Variants in ANO4 observed in about 807,000 individuals in gnomAD.
ANO4 encodes anoctamin-4.
In ANO4, 69 loss-of-function variants were observed where a neutral mutation model predicts 141.9. The observed-to-expected ratio is 0.49, with a 90% CI of 0.40 to 0.59. The LOEUF is 0.59. ANO4 is among the 20% of genes least tolerant of loss of function. The pLI is 0.00. For missense variants in ANO4, 894 were observed against 1,162.2 expected (o/e 0.77, Z 3.36); for synonymous variants, 350 against 394.3 (o/e 0.89, Z 1.33).
At chr12:101,055,802 A>T (rs186059766) in intron 14 of ANO4, among the ~76,000 whole-genome samples, 3 of 152,208 alleles carry the variant, frequency 2.0e-5, no homozygotes, top group African/African-American at 7.2e-5. Context: ...TTTAGCTCAT[A>T]TGTTTAGGTT....
At chr12:100,762,332 C>G (rs1565861134) in intron 3 of ANO4, among the ~76,000 whole-genome samples, 1 of 152,148 alleles carries the variant, frequency 6.6e-6, no homozygotes, top group South Asian at 2.1e-4. Context: ...TAATGCTTCC[C>G]TCTGCGCTTT....
intron 1 of ANO4, among the ~76,000 whole-genome samples, chr12:100,844,925 T>C (rs2037479692): frequency 6.6e-6 from 1 of 151,770 alleles, no homozygotes. Flanking sequence ...AGAAATTAAT[T>C]AGTGGGTAGA....
At chr12:100,808,176 C>T (rs2035180194) in intron 1 of ANO4, among the ~76,000 whole-genome samples, 1 of 152,136 alleles carries the variant, frequency 6.6e-6, no homozygotes, top group South Asian at 2.1e-4. Context: ...ATTGACACTC[C>T]CATCAACAGT....
intron 3 of ANO4, among the ~76,000 whole-genome samples, chr12:100,933,932 A>G (rs1027722971): frequency 6.6e-6 from 1 of 151,928 alleles, no homozygotes; most frequent in African/African-American, 2.4e-5. Flanking sequence ...TCCTTTGCCC[A>G]CTTTTTGATG....
At chr12:100,956,154 A>G (rs973421514) in intron 5 of ANO4, among the ~76,000 whole-genome samples, 2 of 152,308 alleles carry the variant, frequency 1.3e-5, no homozygotes, top group Middle Eastern at 3.4e-3. Context: ...CCTCTTTACA[A>G]CCAAATCCAT....
At chr12:100,869,653 G>T (rs1259657405) in intron 1 of ANO4, among the ~76,000 whole-genome samples, 1 of 152,142 alleles carries the variant, frequency 6.6e-6, no homozygotes, top group East Asian at 1.9e-4. Flanking sequence ...GTGGGACTCT[G>T]GAAAATGAGG....
chr12:101,086,865 G>T (rs2049525069), intron 17 of ANO4, 41 bp downstream of exon 17: 1 of 1,599,320 alleles, frequency 6.3e-7, no homozygotes, highest in Admixed American at 1.7e-5. Context: ...ATCAAAATGT[G>T]TGGGCTGCAA....
intron 3 of ANO4, among the ~76,000 whole-genome samples, chr12:100,784,724 G>A (rs2033811614): frequency 1.3e-5 from 2 of 152,172 alleles, no homozygotes; most frequent in Non-Finnish European, 2.9e-5. Context: ...CTTTTTCAGT[G>A]GAATTCACGA....
chr12:100,753,423 A>G (rs530441914), intron 3 of ANO4, among the ~76,000 whole-genome samples: 102 of 152,220 alleles, frequency 6.7e-4, no homozygotes, highest in African/African-American at 2.4e-3. Flanking sequence ...CTGGGCCAGG[A>G]ATATTTATCT....
intron 2 of ANO4, among the ~76,000 whole-genome samples, chr12:100,920,997 G>T (rs567006477): frequency 2.6e-5 from 4 of 152,026 alleles, no homozygotes; most frequent in Non-Finnish European, 4.4e-5. Flanking sequence ...ATTTAGAGAG[G>T]TTCAGCATTA....
At chr12:100,733,484 C>G (rs372838523) in intron 1 of ANO4, among the ~76,000 whole-genome samples, 1 of 152,148 alleles carries the variant, frequency 6.6e-6, no homozygotes, top group Admixed American at 6.5e-5. Flanking sequence ...CTCCCTGCCC[C>G]CAACTGCCCA....
At chr12:100,741,807 G>C (rs888223566) in intron 3 of ANO4, among the ~76,000 whole-genome samples, 3 of 152,114 alleles carry the variant, frequency 2.0e-5, no homozygotes, top group Non-Finnish European at 4.4e-5. Context: ...TCTTGCTTTA[G>C]TTTAATAAAA....
intron 1 of ANO4, among the ~76,000 whole-genome samples, chr12:100,866,114 C>T (rs901991582): frequency 3.3e-5 from 5 of 152,068 alleles, no homozygotes; most frequent in East Asian, 1.9e-4. Flanking sequence ...AGAGAGGATA[C>T]GGAGGGGAAG....
chr12:101,103,745 GC>G (rs1423673543), intron 22 of ANO4, among the ~76,000 whole-genome samples: 1 of 151,632 alleles, frequency 6.6e-6, no homozygotes, highest in East Asian at 1.9e-4. Flanking sequence ...TTTTATGATA[GC>G]CCTTTAAAAT....
chr12:100,758,078 A>G (rs1046144055), intron 3 of ANO4, among the ~76,000 whole-genome samples: 2 of 152,244 alleles, frequency 1.3e-5, no homozygotes, highest in Admixed American at 1.3e-4. Flanking sequence ...TCTTTGGATC[A>G]GAGACTGGCA....
At chr12:100,920,019 C>G (rs2041559439) in intron 2 of ANO4, among the ~76,000 whole-genome samples, 1 of 151,888 alleles carries the variant, frequency 6.6e-6, no homozygotes, top group Non-Finnish European at 1.5e-5. Context: ...ATAGCTACTT[C>G]TACCTGAGTT....
At chr12:100,931,235 TTG>T (rs1383364858) in intron 3 of ANO4, among the ~76,000 whole-genome samples, 2 of 152,134 alleles carry the variant, frequency 1.3e-5, no homozygotes, top group African/African-American at 4.8e-5. Context: ...CAAAGCTGTA[TTG>T]TGTCTTTGTA....
intron 8 of ANO4, among the ~76,000 whole-genome samples, chr12:101,008,012 T>C (rs1467138062): frequency 6.6e-6 from 1 of 152,250 alleles, no homozygotes; most frequent in Non-Finnish European, 1.5e-5. Context: ...CATCAGTATT[T>C]GTCAGTCTAA....
intron 17 of ANO4, among the ~76,000 whole-genome samples, chr12:101,093,124 A>G (rs2049845463): frequency 6.6e-6 from 1 of 152,208 alleles, no homozygotes; most frequent in Admixed American, 6.5e-5. Context: ...GGACTCCAAG[A>G]GTCTGAGATT....
Sources: allele counts gnomAD v4.1 joint callset (sites outside exome capture counted in the v4.1 genomes callset), GRCh38; gene constraint gnomAD v4.1.1; transcripts MANE v1.5; gene names NCBI Gene and HGNC (gene_info 2026-07-23, HGNC 2026-07-21).